The following IL1RAP variants were observed in gnomAD, a reference collection of about 807,000 sequenced individuals.
IL1RAP encodes the protein interleukin 1 receptor accessory protein.
A neutral mutation model predicts 60.7 loss-of-function variants in IL1RAP; 35 were observed. The ratio of observed to expected loss-of-function variants is 0.58; its 90% CI spans 0.44 to 0.76. The LOEUF (loss-of-function observed/expected upper bound fraction) is 0.76. Ranked by LOEUF, IL1RAP falls within the 30% of genes least tolerant of loss-of-function variation. IL1RAP has a pLI of 0.00. For missense variants in IL1RAP, 572 were observed against 693.9 expected, an observed-to-expected ratio of 0.82 and a Z score of 1.97; for synonymous variants, 268 against 250.9, an observed-to-expected ratio of 1.07 and a Z score of -0.64.
intron 1 of IL1RAP, among the ~76,000 whole-genome samples, chr3:190,537,598 A>G (rs1553829202): frequency 6.6e-6 from 1 of 152,192 alleles, no homozygotes; most frequent in Non-Finnish European, 1.5e-5. Context: ...AAGGAAGGTT[A>G]TCCATTTGAA....
At chr3:190,646,753 T>A (rs866921054) in intron 11 of IL1RAP, among the ~76,000 whole-genome samples, 94 of 152,298 alleles carry the variant, frequency 6.2e-4, no homozygotes, top group Admixed American at 1.8e-3. Flanking sequence ...AGTTTTTTTT[T>A]AAATATTGCA....
intron 3 of IL1RAP, among the ~76,000 whole-genome samples, chr3:190,569,448 T>C (rs1312591391): frequency 1.3e-5 from 2 of 152,244 alleles, no homozygotes; most frequent in Non-Finnish European, 2.9e-5. Context: ...TTCATTTCTA[T>C]GTAATTTAGT....
intron 9 of IL1RAP, among the ~76,000 whole-genome samples, chr3:190,643,274 G>A (rs762750330): frequency 6.6e-6 from 1 of 152,022 alleles, no homozygotes; most frequent in Non-Finnish European, 1.5e-5. Context: ...AATGATATTC[G>A]AGCATAGACT....
chr3:190,566,159 G>T (rs1211648701), intron 3 of IL1RAP, among the ~76,000 whole-genome samples: 2 of 151,946 alleles, frequency 1.3e-5, no homozygotes, highest in Non-Finnish European at 2.9e-5. Context: ...ACTTTTGTTT[G>T]TTATCCAAAC....
rs56393536 is a variant in IL1RAP, at chr3:190,562,694, CCACACACACACACACA to C, written c.-1-1568_-1-1553del. 4.5e-3 allele frequency among the ~76,000 whole-genome samples: 655 copies of C among 146,620 alleles called. 2 individuals carry two copies. The highest frequency in any genetic ancestry group is 0.011 in the East Asian group (55 of 4,972). On this transcript the variant is annotated intron_variant, in intron 2 of 11. Transcript: ENST00000447382. ...TTGCCTGTATCAAAACATATCTCGT[CCACACACACACACACA>C]CACACACACACACACACACACACAC...
intron 1 of IL1RAP, among the ~76,000 whole-genome samples, chr3:190,515,943 C>A (rs1319865401): frequency 5.4e-4 from 82 of 152,266 alleles, no homozygotes; most frequent in Non-Finnish European, 5.9e-5. Flanking sequence ...CACATGCCCA[C>A]ACTAGTCTTC....
At chr3:190,612,584 TA>T (rs1184796548) in intron 5 of IL1RAP, among the ~76,000 whole-genome samples, 1 of 152,196 alleles carries the variant, frequency 6.6e-6, no homozygotes, top group Non-Finnish European at 1.5e-5. Flanking sequence ...TTCACTTCTT[TA>T]TTTTTTTAGT....
intron 1 of IL1RAP, among the ~76,000 whole-genome samples, chr3:190,544,931 C>A (rs1409637639): frequency 6.6e-6 from 1 of 152,160 alleles, no homozygotes; most frequent in African/African-American, 2.4e-5. Context: ...AAAGCCTAAG[C>A]TGAACAATGT....
rs376790217 is a variant in IL1RAP, at chr3:190,538,829, C to T, written c.-88-17301C>T. Among the ~76,000 whole-genome samples the T allele has an allele frequency of 6.9e-4, 105 of 152,204 alleles. No homozygotes were observed. In the South Asian group the frequency reaches 7.0e-3, roughly 10 times the overall value. ...TCTTGTGATAGCAAGTGAGTTCTCA[C>T]GAGATCTGATGGCTTTATAAGGGGC... On this transcript the variant is annotated intron_variant, in intron 1 of 11. Transcript: ENST00000447382.
intron 1 of IL1RAP, among the ~76,000 whole-genome samples, chr3:190,525,228 C>T (rs1267187433): frequency 6.6e-6 from 1 of 152,092 alleles, no homozygotes; most frequent in Non-Finnish European, 1.5e-5. Flanking sequence ...AAGATTAAAA[C>T]AGCAACCAAC....
rs1734261010 is a variant in IL1RAP, at chr3:190,649,471, T to C, written c.*766T>C. Reference sequence around the variant, plus strand: ...TATATCGCATTGCTCATTTAGAGTTTGCAGGAGGCTCCATACTAGGTTCAG... The same window carrying C: ...TATATCGCATTGCTCATTTAGAGTTCGCAGGAGGCTCCATACTAGGTTCAG... On this transcript the variant is annotated 3_prime_UTR_variant, in exon 12 of 12. Transcript: ENST00000447382. The C allele has an allele frequency of 1.0e-6, 1 of 985,724 alleles. No individual in the cohort carries two copies. The highest frequency in any genetic ancestry group is 1.7e-5 in the African/African-American group (1 of 57,252). The allele number at this position is 985,724 out of a possible 1,614,324, so 61.1% of individuals were successfully genotyped here.
chr3:190,638,113 C>T (rs527640802), intron 9 of IL1RAP, among the ~76,000 whole-genome samples: 7 of 152,032 alleles, frequency 4.6e-5, no homozygotes, highest in African/African-American at 1.7e-4. Context: ...CTTTCTTATC[C>T]AAGTTTCTTA....
intron 9 of IL1RAP, among the ~76,000 whole-genome samples, chr3:190,642,782 C>T (rs3935774): frequency 0.065 from 9,830 of 152,138 alleles, 737 homozygotes; most frequent in African/African-American, 0.18. Flanking sequence ...AGACCCTTTC[C>T]GTCTTATTCA....
At position 190,577,336 on chromosome 3, in the gene IL1RAP, G is replaced by GT. The variant is rs754662573; in HGVS notation, c.64+12984dup. Among the ~76,000 whole-genome samples, 104 of 152,270 alleles carry GT rather than the reference G, an allele frequency of 6.8e-4. 1 individual carries two copies. The highest frequency in any genetic ancestry group is 3.4e-3 in the Middle Eastern group (1 of 294). On this transcript the variant is annotated intron_variant, in intron 3 of 11. Transcript: ENST00000447382. ...TGCCGGAGCTAGGTGGTATGGGCTT[G>GT]TAAGAACCAACTATTCAATTTTTAG...
At chr3:190,639,925 T>C (rs1577805271) in intron 9 of IL1RAP, among the ~76,000 whole-genome samples, 1 of 139,900 alleles carries the variant, frequency 7.1e-6, no homozygotes, top group African/African-American at 2.8e-5. Context: ...GAGTGGCCTG[T>C]ACCCAACTGT....
chr3:190,640,001 A>G (rs1381040255), intron 9 of IL1RAP, among the ~76,000 whole-genome samples: 3 of 152,212 alleles, frequency 2.0e-5, no homozygotes, highest in Non-Finnish European at 2.9e-5. Flanking sequence ...AACCTTTTAA[A>G]GTATTCCCCC....
chr3:190,635,622 G>A (rs1733157264), intron 9 of IL1RAP, among the ~76,000 whole-genome samples: 1 of 151,994 alleles, frequency 6.6e-6, no homozygotes, highest in African/African-American at 2.4e-5. Flanking sequence ...TTATTTCAGT[G>A]TGTGTTTTTT....
At chr3:190,557,714 T>C (rs1725543895) in intron 2 of IL1RAP, among the ~76,000 whole-genome samples, 1 of 152,066 alleles carries the variant, frequency 6.6e-6, no homozygotes. Context: ...AAAACACCTT[T>C]CTTTAAACTG....
chr3:190,583,158 G>T (rs1481360886), intron 3 of IL1RAP, among the ~76,000 whole-genome samples: 2 of 152,120 alleles, frequency 1.3e-5, no homozygotes, highest in African/African-American at 4.8e-5. Context: ...TGTTAATTGG[G>T]TAATTATTTA....
Sources: gnomAD v4.1 joint callset for allele counts (sites outside exome capture counted in the v4.1 genomes callset) on GRCh38, gnomAD v4.1.1 for gene constraint, MANE v1.5 for transcripts, NCBI Gene and HGNC (gene_info 2026-07-23, HGNC 2026-07-21) for gene names.